SUCNR1: variants seen among roughly 807,000 people sequenced by gnomAD.
SUCNR1 encodes G-protein coupled receptor 91.
SUCNR1 carries 5 observed loss-of-function variants against 2.4 expected under a neutral mutation model. That is an observed-to-expected ratio of 2.07 (90% CI 1.08 to 4.36). The LOEUF is 4.36. Ranked by LOEUF, SUCNR1 falls within the 30% of genes most tolerant of loss-of-function variation. The pLI is 0.00. For synonymous variants in SUCNR1, 162 were observed against 143.9 expected (o/e 1.13, Z -0.90); for missense variants, 373 against 399.2 (o/e 0.93, Z 0.56).
chr3:151,877,984 G>T (rs1217616128), intron 1 of SUCNR1, among the ~76,000 whole-genome samples: 1 of 152,104 alleles, frequency 6.6e-6, no homozygotes, highest in Non-Finnish European at 1.5e-5. Flanking sequence ...GGAGAAAGAA[G>T]GGAAACTAGG....
intron 1 of SUCNR1, among the ~76,000 whole-genome samples, chr3:151,876,256 A>G (rs188783320): frequency 1.6e-3 from 242 of 152,304 alleles, no homozygotes; most frequent in African/African-American, 5.6e-3. Flanking sequence ...GAAAGGAGGA[A>G]AACAAGGAGA....
chr3:151,877,667 T>A (rs1476177), intron 1 of SUCNR1, among the ~76,000 whole-genome samples: 78,063 of 152,014 alleles, frequency 0.51, 22,183 homozygotes, highest in African/African-American at 0.77. Flanking sequence ...TTACTGAAAT[T>A]GGTGGATATG....
chr3:151,881,380 G>T lies in SUCNR1; in HGVS notation c.837G>T (p.Val279=). 6.2e-7 allele frequency: 1 copy of T among 1,614,172 alleles called. No homozygotes were observed. Among genetic ancestry groups the T allele is most frequent in the Non-Finnish European group, 8.5e-7 (1 of 1,180,034 alleles). ...TCGTCATCAACTCCTTTTACATTGT[G>T]ACACGGCCTTTGGCCTTTCTGAACA... ...TQVVINSFYI[V]TRPLAFLNSV... Residue 279 remains valine, a synonymous_variant, in exon 3 of 3, where the codon GTG becomes GTT. Coordinates refer to ENST00000362032, the MANE Select transcript of SUCNR1 (RefSeq NM_033050.6).
chr3:151,884,378 C>G lies in SUCNR1; in HGVS notation c.*2830C>G, dbSNP rs1005499209. On this transcript the variant is annotated 3_prime_UTR_variant, in exon 3 of 3. Coordinates refer to ENST00000362032, the MANE Select transcript of SUCNR1 (RefSeq NM_033050.6). ...TTTAATGACTGTTTGAAATCTCTGT[C>G]TCCTAGTTCCAAATATGGGTCATCT... 3.9e-5 allele frequency: 6 copies of G among 152,174 alleles called. No homozygotes were observed. Among genetic ancestry groups the G allele is most frequent in the African/African-American group, 1.4e-4 (6 of 41,436 alleles). 9.4% of individuals were successfully genotyped at this position (152,174 alleles called of 1,614,324 possible).
At position 151,882,246 on chromosome 3, in the gene SUCNR1, C is replaced by T. The variant is rs1176833216; in HGVS notation, c.*698C>T. ...AGTATCAAAATACTAGAGAGATACACCAAGGATATTTGAATAAAAAAAAAA... is the reference window on the plus strand; with the variant it reads ...AGTATCAAAATACTAGAGAGATACATCAAGGATATTTGAATAAAAAAAAAA... On this transcript the variant is annotated 3_prime_UTR_variant, in exon 3 of 3. Coordinates refer to ENST00000362032, the MANE Select transcript of SUCNR1 (RefSeq NM_033050.6). 1 of 151,662 alleles carries T rather than the reference C, an allele frequency of 6.6e-6. No homozygotes were observed. The highest frequency in any genetic ancestry group is 1.5e-5 in the Non-Finnish European group (1 of 67,882). 9.4% of individuals were successfully genotyped at this position (151,662 alleles called of 1,614,324 possible).
Position 151,880,595 on chromosome 3 carries a change from G to A in SUCNR1, c.52G>A (p.Glu18Lys), listed in dbSNP as rs1576665170. The A allele has an allele frequency of 6.2e-7, 1 of 1,610,434 alleles. No homozygotes were observed. Among genetic ancestry groups the A allele is most frequent in the African/African-American group, 1.3e-5 (1 of 74,722 alleles). ...AACTTGCAAAAACTGGCTGGCAGCA[G>A]AGGCTGCCCTGGAAAAGTACTACCT... is the stretch of plus-strand genomic sequence containing the variant. ...NATCKNWLAA[E>K]AALEKYYLSI... is the part of the protein sequence containing the mutation. Residue 18 changes from glutamate to lysine, a missense_variant, in exon 3 of 3, where the codon GAG becomes AAG. Glu to Lys is a moderately conservative substitution (Grantham distance 56). This residue lies in a region of SUCNR1 where 184 missense variants were observed against 162.2 expected (regional missense o/e 1.13). Transcript: ENST00000362032.
chr3:151,880,870 C>T lies in SUCNR1; in HGVS notation c.327C>T (p.Ser109=). ...RYVLHANLYT[S]ILFLTFISID... ...TGCTTCATGCCAACCTCTATACCAG[C>T]ATTCTCTTTCTCACTTTTATCAGCA... Residue 109 remains serine, a synonymous_variant, in exon 3 of 3, where the codon AGC becomes AGT. Transcript: ENST00000362032. 1 of 1,614,062 alleles carries T rather than the reference C, an allele frequency of 6.2e-7. No homozygotes were observed. Among genetic ancestry groups the T allele is most frequent in the Non-Finnish European group, 8.5e-7 (1 of 1,179,962 alleles).
At position 151,883,659 on chromosome 3, in the gene SUCNR1, A is replaced by G. The variant is rs991756966; in HGVS notation, c.*2111A>G. ...TTTCATTTGCTTGTTGTACTGGGTA[A>G]TTGTAAGAATCACAAACAATAAATC... On this transcript the variant is annotated 3_prime_UTR_variant, in exon 3 of 3. Transcript: ENST00000362032. The G allele has an allele frequency of 6.6e-6, 1 of 151,700 alleles. No individual in the cohort carries two copies. The highest frequency in any genetic ancestry group is 1.5e-5 in the Non-Finnish European group (1 of 67,900). 9.4% of individuals were successfully genotyped at this position (151,700 alleles called of 1,614,324 possible). A position where few individuals can be genotyped will look rare whatever the true frequency, so the allele number is the denominator to read the frequency against.
intron 1 of SUCNR1, among the ~76,000 whole-genome samples, chr3:151,876,028 G>A (rs1717915836): frequency 6.6e-6 from 1 of 152,154 alleles, no homozygotes; most frequent in Non-Finnish European, 1.5e-5. Flanking sequence ...TGACTAGGCA[G>A]AAAGATAAAC....
Position 151,881,249 on chromosome 3 carries a change from A to G in SUCNR1, c.706A>G (p.Met236Val). The change falls in exon 3 of 3, where the codon ATG (methionine) becomes GTG (valine). Residue 236 changes from methionine to valine, a missense_variant. Coordinates refer to ENST00000362032, the MANE Select transcript of SUCNR1 (RefSeq NM_033050.6). ...PLEKPLNLVI[M>V]AVVIFSVLFT... is the part of the protein sequence containing the mutation. The stretch of plus-strand genomic sequence containing the variant: ...TGAAAAGCCTCTCAACTTGGTCATC[A>G]TGGCAGTGGTAATCTTCTCTGTGCT... 1.2e-6 allele frequency: 2 copies of G among 1,614,178 alleles called. No individual in the cohort carries two copies. The highest frequency in any genetic ancestry group is 1.7e-6 in the Non-Finnish European group (2 of 1,180,034).
rs1388175845 is a variant in SUCNR1 at position 151,881,711 on chromosome 3, T to C, written c.*163T>C. 2 of 658,266 alleles carry C rather than the reference T, an allele frequency of 3.0e-6. No homozygotes were observed. Among genetic ancestry groups the C allele is most frequent in the Non-Finnish European group, 5.0e-6 (2 of 401,238 alleles). The allele number at this position is 658,266 out of a possible 1,614,324, so 40.8% of individuals were successfully genotyped here. A position where few individuals can be genotyped will look rare whatever the true frequency, so the allele number is the denominator to read the frequency against. ...GAATGGGACGACAAGAATGTACTGGTTTCTTCCTCTAAGAATTGAAAGGAG... is the reference window on the plus strand; with the variant it reads ...GAATGGGACGACAAGAATGTACTGGCTTCTTCCTCTAAGAATTGAAAGGAG... On this transcript the variant is annotated 3_prime_UTR_variant, in exon 3 of 3. Coordinates refer to ENST00000362032, the MANE Select transcript of SUCNR1 (RefSeq NM_033050.6).
chr3:151,879,776 C>G, intron 1 of SUCNR1, 76 bp from the exon 2 acceptor site: 1 of 596,464 alleles, frequency 1.7e-6, no homozygotes, highest in South Asian at 3.6e-5. Flanking sequence ...AAGCAGAATT[C>G]TTTGGCAATA....
chr3:151,880,821 T>C lies in SUCNR1; in HGVS notation c.278T>C (p.Val93Ala). ...YANGNWIYGD[V>A]LCISNRYVLH... ...AATGGAAACTGGATATATGGAGACG[T>C]GCTCTGCATAAGCAACCGATATGTG... Residue 93 changes from valine to alanine, a missense_variant, in exon 3 of 3, where the codon GTG (valine) becomes GCG (alanine). By Grantham distance (64) the Val-to-Ala change is moderately conservative. This residue lies in a region of SUCNR1 where 184 missense variants were observed against 162.2 expected (regional missense o/e 1.13). Transcript: ENST00000362032. 1.2e-6 allele frequency: 2 copies of C among 1,614,176 alleles called. No homozygotes were observed. The highest frequency in any genetic ancestry group is 3.3e-5 in the Admixed American group (2 of 60,008).
In SUCNR1 at chr3:151,882,947, C is replaced by T. The variant is rs1718144797; in HGVS notation, c.*1399C>T. 1 of 151,940 alleles carries T rather than the reference C, an allele frequency of 6.6e-6. No individual in the cohort carries two copies. The highest frequency in any genetic ancestry group is 6.6e-5 in the Admixed American group (1 of 15,250). The allele number at this position is 151,940 out of a possible 1,614,324, so 9.4% of individuals were successfully genotyped here. ...TATAAGGAGTGAGTAATGTGAAGGACAAAATAAGCATTATGAATACAGAGA... is the reference window on the plus strand; with the variant it reads ...TATAAGGAGTGAGTAATGTGAAGGATAAAATAAGCATTATGAATACAGAGA... On this transcript the variant is annotated 3_prime_UTR_variant, in exon 3 of 3. Transcript: ENST00000362032.
chr3:151,874,081 CAT>C (rs1282967109), intron 1 of SUCNR1, among the ~76,000 whole-genome samples: 1 of 83,686 alleles, frequency 1.2e-5, no homozygotes, highest in Non-Finnish European at 2.1e-5. Context: ...GTATTTGATA[CAT>C]ACACACACAC....
Position 151,880,948 on chromosome 3 carries a change from G to C in SUCNR1, c.405G>C (p.Lys135Asn), listed in dbSNP as rs1559858029. The change falls in exon 3 of 3, where the codon AAG becomes AAC. Residue 135 changes from lysine to asparagine, a missense_variant. Physicochemically the swap from Lys to Asn is moderately conservative, Grantham distance 94. Around this residue, in one of 3 missense-constraint regions of SUCNR1, gnomAD observed 184 missense variants for 162.2 expected, o/e 1.13. Coordinates refer to ENST00000362032, the MANE Select transcript of SUCNR1 (RefSeq NM_033050.6). ...CTTTCCGAGAACACCTTCTGCAAAA[G>C]AAAGAGTTTGCTATTTTAATCTCCT... ...KYPFREHLLQ[K>N]KEFAILISLA... The C allele has an allele frequency of 6.2e-7, 1 of 1,613,966 alleles. No homozygotes were observed.
rs1343924608 is a variant in SUCNR1, at chr3:151,880,685, T to C, written c.142T>C (p.Tyr48His). ...TGGAAATACCATTGTTGTTTACGGC[T>C]ACATCTTCTCTCTGAAGAACTGGAA... ...VLGNTIVVYG[Y>H]IFSLKNWNSS... The change falls in exon 3 of 3, where the codon TAC becomes CAC. Residue 48 changes from tyrosine to histidine, a missense_variant. Tyr to His is a moderately conservative substitution (Grantham distance 83, BLOSUM62 2). Around this residue, in one of 3 missense-constraint regions of SUCNR1, gnomAD observed 184 missense variants for 162.2 expected, o/e 1.13. Transcript: ENST00000362032. 1.2e-6 allele frequency: 2 copies of C among 1,614,048 alleles called. No individual in the cohort carries two copies. Among genetic ancestry groups the C allele is most frequent in the Admixed American group, 1.7e-5 (1 of 60,004 alleles).
chr3:151,878,575 C>T (rs1488677186), intron 1 of SUCNR1, among the ~76,000 whole-genome samples: 1 of 152,006 alleles, frequency 6.6e-6, no homozygotes, highest in Non-Finnish European at 1.5e-5. Context: ...TATGAGAGAG[C>T]GGTAGAATTA....
At position 151,876,976 on chromosome 3, in the gene SUCNR1, G is replaced by A. The variant is rs111861587; in HGVS notation, c.-41-2876G>A. The stretch of plus-strand genomic sequence containing the variant: ...GTTATACAAAATTCTAAGAAGTTTA[G>A]TATACAATGAAAGCATAAATGGGAG... On this transcript the variant is annotated intron_variant, in intron 1 of 2. Transcript: ENST00000362032. Among the ~76,000 whole-genome samples the A allele has an allele frequency of 4.8e-3, 724 of 152,270 alleles. 2 individuals carry two copies. The highest frequency in any genetic ancestry group is 0.016 in the African/African-American group (671 of 41,562).
Sources: allele counts gnomAD v4.1 joint callset (sites outside exome capture counted in the v4.1 genomes callset), GRCh38; gene constraint gnomAD v4.1.1; regional missense constraint gnomAD v4.1.1; transcripts MANE v1.5; gene names NCBI Gene and HGNC (gene_info 2026-07-23, HGNC 2026-07-21).